VIPR2: variants seen among roughly 807,000 people sequenced by gnomAD.
VIPR2 encodes vasoactive intestinal polypeptide receptor 2.
A neutral mutation model predicts 58.0 loss-of-function variants in VIPR2; 48 were observed. That is an observed-to-expected ratio of 0.83 (90% CI 0.66 to 1.05). The LOEUF (loss-of-function observed/expected upper bound fraction) is 1.05. VIPR2 is among the 50% of genes least tolerant of loss of function. The pLI is 0.00. For synonymous variants in VIPR2, 243 were observed against 235.2 expected, an observed-to-expected ratio of 1.03 and a Z score of -0.30; for missense variants, 534 against 558.0, an observed-to-expected ratio of 0.96 and a Z score of 0.43.
Position 159,095,354 on chromosome 7 carries a change from C to T in VIPR2, c.357+8403G>A, listed in dbSNP as rs1006558951. On this transcript the variant is annotated intron_variant, in intron 4 of 12. Coordinates refer to ENST00000262178, the MANE Select transcript of VIPR2 (RefSeq NM_003382.5). The surrounding 1 kb of genome is among the most constrained non-coding windows in gnomAD (Gnocchi z 5.2). ...TGCTGCACACACCCAGTGTGAGGGC[C>T]GGGCAAATGCTCACAGCCGGTGACA... Among the ~76,000 whole-genome samples, 2 of 152,144 alleles carry T rather than the reference C, an allele frequency of 1.3e-5. No homozygotes were observed. Among genetic ancestry groups the T allele is most frequent in the Middle Eastern group, 3.2e-3 (1 of 316 alleles).
chr7:159,143,886 C>G (rs917626183), intron 1 of VIPR2, among the ~76,000 whole-genome samples: 3 of 152,284 alleles, frequency 2.0e-5, no homozygotes, highest in African/African-American at 7.2e-5. Context: ...GAAAGCCGAG[C>G]TGCGCCTCCG....
At position 159,098,987 on chromosome 7, in the gene VIPR2, AC is replaced by A. The variant is rs1049988579; in HGVS notation, c.357+4769del. On this transcript the variant is annotated intron_variant, in intron 4 of 12. Transcript: ENST00000262178. This position sits in a 1 kb window ranked among gnomAD's most constrained non-coding sequence, Gnocchi z 5.2. ...AGCCGGCCCAGGACCGTGCATGTCC[AC>A]CCCGTGGCTGCCTGGGGCCTGTTCT... Among the ~76,000 whole-genome samples the A allele has an allele frequency of 6.6e-6, 1 of 152,080 alleles. No homozygotes were observed. The highest frequency in any genetic ancestry group is 1.5e-5 in the Non-Finnish European group (1 of 68,018).
intron 2 of VIPR2, among the ~76,000 whole-genome samples, chr7:159,126,751 T>C (rs3793241): frequency 0.36 from 54,775 of 152,094 alleles, 11,778 homozygotes; most frequent in African/African-American, 0.61. Flanking sequence ...CGTCCAACCA[T>C]CAGGCTGCTC....
At position 159,031,754 on chromosome 7, in the gene VIPR2, CG is replaced by C; in HGVS notation, c.1143+73del. On this transcript the variant is annotated intron_variant, in intron 12 of 12. Transcript: ENST00000262178. The surrounding 1 kb of genome is among the most constrained non-coding windows in gnomAD (Gnocchi z 4.0). ...GGAAGACAGGCATGTGTGGGGGCTG[CG>C]GCACCAGGCTGGGCAGCATCTCAGG... is the stretch of plus-strand genomic sequence containing the variant. 6.2e-7 allele frequency: 1 copy of C among 1,609,754 alleles called. No individual in the cohort carries two copies. Among genetic ancestry groups the C allele is most frequent in the Admixed American group, 1.7e-5 (1 of 59,900 alleles).
chr7:159,093,430 G>A lies in VIPR2; in HGVS notation c.357+10327C>T, dbSNP rs905111903. Among the ~76,000 whole-genome samples, 4 of 152,198 alleles carry A rather than the reference G, an allele frequency of 2.6e-5. No individual in the cohort carries two copies. The highest frequency in any genetic ancestry group is 5.9e-5 in the Non-Finnish European group (4 of 68,040). On this transcript the variant is annotated intron_variant, in intron 4 of 12. Coordinates refer to ENST00000262178, the MANE Select transcript of VIPR2 (RefSeq NM_003382.5). This position sits in a 1 kb window ranked among gnomAD's most constrained non-coding sequence, Gnocchi z 6.7. ...CACGCTTACTTTCGAGGGTGCTGGCGGGTGTGGCTGGAGCTCACTCTCACT... is the reference window on the plus strand; with the variant it reads ...CACGCTTACTTTCGAGGGTGCTGGCAGGTGTGGCTGGAGCTCACTCTCACT...
At chr7:159,100,781 C>A (rs533495200) in intron 4 of VIPR2, among the ~76,000 whole-genome samples, 56 of 150,068 alleles carry the variant, frequency 3.7e-4, no homozygotes, top group Middle Eastern at 7.1e-3. Flanking sequence ...TCAGATCCGA[C>A]GAGGCGGTTC....
At chr7:159,053,515 C>A (rs1203948740) in intron 5 of VIPR2, among the ~76,000 whole-genome samples, 2 of 152,126 alleles carry the variant, frequency 1.3e-5, no homozygotes, top group East Asian at 3.9e-4. Flanking sequence ...CAATGCAATA[C>A]CAAATGAAAT....
In VIPR2 at chr7:159,029,744, TCTC is replaced by T. The variant is rs1469774528; in HGVS notation, c.*869_*871del. 6.6e-6 allele frequency: 1 copy of T among 152,206 alleles called. No individual in the cohort carries two copies. Among genetic ancestry groups the T allele is most frequent in the Admixed American group, 6.5e-5 (1 of 15,278 alleles). The allele number at this position is 152,206 out of a possible 1,614,324, so 9.4% of individuals were successfully genotyped here. A position where few individuals can be genotyped will look rare whatever the true frequency, so the allele number is the denominator to read the frequency against. ...GAGGTCCCCTCCTTCATGACCTTGC[TCTC>T]CTGATCTGGTTGTCTCCTCAGCCCG... On this transcript the variant is annotated 3_prime_UTR_variant, in exon 13 of 13. Coordinates refer to ENST00000262178, the MANE Select transcript of VIPR2 (RefSeq NM_003382.5).
chr7:159,033,911 G>A (rs1385904363), intron 10 of VIPR2, among the ~76,000 whole-genome samples: 1 of 152,188 alleles, frequency 6.6e-6, no homozygotes, highest in Non-Finnish European at 1.5e-5. Flanking sequence ...TTCCACAGTT[G>A]CCAAGGCCAG....
At chr7:159,032,237 G>T (rs1484589376) in intron 10 of VIPR2, among the ~76,000 whole-genome samples, 170 bp from the exon 11 acceptor site, 1 of 152,214 alleles carries the variant, frequency 6.6e-6, no homozygotes, top group African/African-American at 2.4e-5. Context: ...TTACGTTTAT[G>T]TCTGAGGCCC....
At chr7:159,140,560 A>G (rs1407205370) in intron 2 of VIPR2, among the ~76,000 whole-genome samples, 1 of 152,252 alleles carries the variant, frequency 6.6e-6, no homozygotes, top group African/African-American at 2.4e-5. Flanking sequence ...CAGATCAGAT[A>G]CAGATATTTT....
At chr7:159,051,621 T>C (rs777428932) in intron 5 of VIPR2, among the ~76,000 whole-genome samples, 5 of 152,158 alleles carry the variant, frequency 3.3e-5, no homozygotes, top group Non-Finnish European at 7.4e-5. Context: ...CAAATTCCAA[T>C]TAAATGGAGC....
chr7:159,105,902 C>T (rs537352388), intron 3 of VIPR2, among the ~76,000 whole-genome samples: 11 of 152,324 alleles, frequency 7.2e-5, no homozygotes, highest in Non-Finnish European at 1.2e-4. Context: ...GTGGCCACTA[C>T]GACTCACTGA....
At chr7:159,078,925 T>A (rs575684173) in intron 4 of VIPR2, among the ~76,000 whole-genome samples, 13 of 152,168 alleles carry the variant, frequency 8.5e-5, no homozygotes, top group Admixed American at 2.0e-4. Context: ...ATCCACCACC[T>A]CTCTCGGGTG....
chr7:159,085,669 G>A (rs1490204405), intron 4 of VIPR2, among the ~76,000 whole-genome samples: 5 of 152,162 alleles, frequency 3.3e-5, no homozygotes, highest in Non-Finnish European at 7.4e-5. Flanking sequence ...CCGTCTCACT[G>A]GAGGAAGTCT....
chr7:159,118,784 G>T (rs574245478), intron 2 of VIPR2, among the ~76,000 whole-genome samples: 1 of 152,240 alleles, frequency 6.6e-6, no homozygotes, highest in Non-Finnish European at 1.5e-5. Flanking sequence ...AGAACAACGT[G>T]GCTCCCACGG....
intron 4 of VIPR2, among the ~76,000 whole-genome samples, chr7:159,084,545 C>T (rs903608268): frequency 2.0e-5 from 3 of 152,126 alleles, no homozygotes; most frequent in Admixed American, 6.5e-5. Flanking sequence ...GAGAGGGCGC[C>T]GGGCACGGGA....
chr7:159,092,275 A>C, intron 4 of VIPR2, among the ~76,000 whole-genome samples: 1 of 152,200 alleles, frequency 6.6e-6, no homozygotes. Flanking sequence ...TCTGACACTC[A>C]TGAAGCCGAG....
At chr7:159,035,552 C>T (rs574660823) in intron 8 of VIPR2, among the ~76,000 whole-genome samples, 1 of 152,346 alleles carries the variant, frequency 6.6e-6, no homozygotes, top group Non-Finnish European at 1.5e-5. Flanking sequence ...GCCGCATGAG[C>T]CAAGACCAGT....
Sources: allele counts gnomAD v4.1 joint callset (sites outside exome capture counted in the v4.1 genomes callset), GRCh38; gene constraint gnomAD v4.1.1; non-coding constraint Gnocchi (gnomAD v3.1); transcripts MANE v1.5; gene names NCBI Gene and HGNC (gene_info 2026-07-23, HGNC 2026-07-21).